OTOGL: variants seen among roughly 807,000 people sequenced by gnomAD.
OTOGL encodes the protein otogelin-like protein.
A neutral mutation model predicts 318.5 loss-of-function variants in OTOGL; 285 were observed. The ratio of observed to expected loss-of-function variants is 0.89; its 90% CI spans 0.81 to 0.99. OTOGL has a LOEUF of 0.99. OTOGL is among the 50% of genes least tolerant of loss of function. OTOGL has a pLI of 0.00. For synonymous variants in OTOGL, 987 were observed against 936.5 expected, an observed-to-expected ratio of 1.05 and a Z score of -0.99; for missense variants, 2,899 against 2,845.6, an observed-to-expected ratio of 1.02 and a Z score of -0.43.
intron 1 of OTOGL, among the ~76,000 whole-genome samples, chr12:80,173,595 G>C (rs1188715775): frequency 6.6e-6 from 1 of 152,124 alleles, no homozygotes; most frequent in Non-Finnish European, 1.5e-5. Context: ...CAGGATCTTT[G>C]TGACTTGTAA....
At chr12:80,281,032 T>G (rs751835120) in intron 26 of OTOGL, among the ~76,000 whole-genome samples, 3 of 151,892 alleles carry the variant, frequency 2.0e-5, no homozygotes, top group Non-Finnish European at 2.9e-5. Flanking sequence ...CTGCTGATTT[T>G]TCTACATTGG....
At chr12:80,352,262 T>C (rs988123844) in intron 44 of OTOGL, 33 bp from the exon 45 acceptor site, 6 of 1,576,994 alleles carry the variant, frequency 3.8e-6, no homozygotes, top group Non-Finnish European at 5.2e-6. Context: ...AATAAAACAA[T>C]ATAACTTATT....
chr12:80,334,314 A>C (rs1414522487), intron 38 of OTOGL, among the ~76,000 whole-genome samples: 1 of 152,196 alleles, frequency 6.6e-6, no homozygotes, highest in African/African-American at 2.4e-5. Flanking sequence ...GCTGGTGTCA[A>C]CCAGGATGGA....
At position 80,380,487 on chromosome 12, in the gene OTOGL, A is replaced by C. The variant is rs2138142424; in HGVS notation, c.*2439A>C. Reference sequence around the variant, plus strand: ...TAAACTGATAGTTGAAAGAAAAATAAGTAAGACTAGTGGATCCTTTAACAA... The same window carrying C: ...TAAACTGATAGTTGAAAGAAAAATACGTAAGACTAGTGGATCCTTTAACAA... On this transcript the variant is annotated 3_prime_UTR_variant, in exon 59 of 59. Coordinates refer to ENST00000547103, the MANE Select transcript of OTOGL (RefSeq NM_001378609.3). 6.6e-6 allele frequency: 1 copy of C among 152,220 alleles called. No homozygotes were observed. Among genetic ancestry groups the C allele is most frequent in the Non-Finnish European group, 1.5e-5 (1 of 67,954 alleles). The allele number at this position is 152,220 out of a possible 1,614,324, so 9.4% of individuals were successfully genotyped here. A position where few individuals can be genotyped will look rare whatever the true frequency, so the allele number is the denominator to read the frequency against.
At chr12:80,226,225 T>TACACACACACACAC in intron 7 of OTOGL, among the ~76,000 whole-genome samples, 1 of 95,674 alleles carries the variant, frequency 1.0e-5, no homozygotes, top group Non-Finnish European at 2.3e-5. Context: ...CACACACACT[T>TACACACACACACAC]CCCTTCACTC....
intron 26 of OTOGL, among the ~76,000 whole-genome samples, chr12:80,291,296 C>A (rs1885026977): frequency 6.6e-6 from 1 of 152,134 alleles, no homozygotes; most frequent in African/African-American, 2.4e-5. Context: ...ATAACAGGAC[C>A]AATGTACTTG....
chr12:80,340,456 A>G (rs1038910626), intron 43 of OTOGL, among the ~76,000 whole-genome samples: 2 of 152,058 alleles, frequency 1.3e-5, no homozygotes, highest in African/African-American at 4.8e-5. Flanking sequence ...GGAAATGCAT[A>G]TTTTCTCCTA....
At chr12:80,128,181 T>G (rs1870982099) in intron 1 of OTOGL, among the ~76,000 whole-genome samples, 1 of 152,190 alleles carries the variant, frequency 6.6e-6, no homozygotes, top group Non-Finnish European at 1.5e-5. Context: ...TTATCTACCT[T>G]TTGTCTTTGA....
chr12:80,344,371 A>G (rs1889028073), intron 44 of OTOGL, among the ~76,000 whole-genome samples: 1 of 152,214 alleles, frequency 6.6e-6, no homozygotes, highest in African/African-American at 2.4e-5. Flanking sequence ...CTTTTCCCTT[A>G]TAATCTTCCA....
chr12:80,361,982 T>C (rs1890262539), intron 52 of OTOGL, among the ~76,000 whole-genome samples: 1 of 152,194 alleles, frequency 6.6e-6, no homozygotes, highest in Admixed American at 6.5e-5. Context: ...CTTATTAGCT[T>C]GCTATACTCC....
intron 1 of OTOGL, among the ~76,000 whole-genome samples, chr12:80,207,945 CTAAT>C (rs1176408748): frequency 3.9e-5 from 6 of 152,054 alleles, no homozygotes; most frequent in African/African-American, 4.8e-5. Flanking sequence ...ATATGATTGT[CTAAT>C]TAGTTCAAGA....
intron 49 of OTOGL, among the ~76,000 whole-genome samples, chr12:80,357,919 G>A (rs2138032858): frequency 6.6e-6 from 1 of 152,184 alleles, no homozygotes; most frequent in Admixed American, 6.5e-5. Flanking sequence ...CTAAATGAGA[G>A]TAATCAATGA....
intron 26 of OTOGL, among the ~76,000 whole-genome samples, chr12:80,282,910 T>A (rs1407658260): frequency 1.3e-5 from 2 of 151,926 alleles, no homozygotes; most frequent in East Asian, 3.9e-4. Context: ...AAGCCCCCAC[T>A]CAGAGATGAC....
chr12:80,272,610 C>T (rs554749099), intron 24 of OTOGL, among the ~76,000 whole-genome samples: 1 of 152,116 alleles, frequency 6.6e-6, no homozygotes, highest in East Asian at 1.9e-4. Flanking sequence ...CTAAGGCAAA[C>T]AGGTCACCCA....
chr12:80,168,622 T>C (rs959486924), intron 1 of OTOGL, among the ~76,000 whole-genome samples: 7 of 152,318 alleles, frequency 4.6e-5, no homozygotes, highest in Non-Finnish European at 8.8e-5. Context: ...TATGAGTTAC[T>C]TTGTGAAGTA....
At chr12:80,159,667 C>T (rs150546296) in intron 1 of OTOGL, among the ~76,000 whole-genome samples, 2,078 of 152,064 alleles carry the variant, frequency 0.014, 24 homozygotes, top group Non-Finnish European at 0.022. Flanking sequence ...TGAAAATGAC[C>T]GTACTACCAA....
intron 43 of OTOGL, 34 bp downstream of exon 43, chr12:80,339,298 G>GTTTTTTTTTTTTTTTTT (rs10715159): frequency 9.1e-5 from 49 of 538,102 alleles, no homozygotes; most frequent in South Asian, 2.2e-4. Context: ...GATTTCGTCT[G>GTTTTTTTTTTTTTTTTT]TTTTTTTTTT....
rs17307894 is a variant in OTOGL at position 80,263,502 on chromosome 12, G to A, written c.2014+1409G>A. 5.5e-3 allele frequency among the ~76,000 whole-genome samples: 829 copies of A among 151,660 alleles called. 7 individuals carry two copies. The highest frequency in any genetic ancestry group is 0.019 in the Admixed American group (283 of 15,224). ...ATGTCTTTTAAATATATACATACAC[G>A]AAATTGAAATATTAAACTGGATATA... On this transcript the variant is annotated intron_variant, in intron 19 of 58. Transcript: ENST00000547103.
intron 1 of OTOGL, among the ~76,000 whole-genome samples, chr12:80,199,453 A>G (rs1382494940): frequency 6.6e-6 from 1 of 152,082 alleles, no homozygotes; most frequent in African/African-American, 2.4e-5. Flanking sequence ...CATGATTTTA[A>G]TGTTGTTTTC....
Sources: gnomAD v4.1 joint callset for allele counts (sites outside exome capture counted in the v4.1 genomes callset) on GRCh38, gnomAD v4.1.1 for gene constraint, MANE v1.5 for transcripts, NCBI Gene and HGNC (gene_info 2026-07-23, HGNC 2026-07-21) for gene names.